Variants in GBP2 observed in about 807,000 individuals in gnomAD.
The protein encoded by GBP2 is guanylate-binding protein 2.
In GBP2, 54 loss-of-function variants were observed where a neutral mutation model predicts 60.8. The observed-to-expected ratio is 0.89, with a 90% CI of 0.71 to 1.11. The LOEUF (loss-of-function observed/expected upper bound fraction) is 1.11. GBP2 is among the 50% of genes most tolerant of loss of function. The pLI is 0.00. For missense variants in GBP2, 665 were observed against 703.3 expected, an observed-to-expected ratio of 0.95 and a Z score of 0.62; for synonymous variants, 243 against 256.5, an observed-to-expected ratio of 0.95 and a Z score of 0.50.
intron 7 of GBP2, 65 bp downstream of exon 7, chr1:89,113,951 A>G (rs1288426499): frequency 2.5e-6 from 4 of 1,573,722 alleles, no homozygotes; most frequent in Non-Finnish European, 3.5e-6. Context: ...GGGTCTAGAA[A>G]GAATTATTTT....
chr1:89,121,963 C>T lies in GBP2; in HGVS notation c.4G>A (p.Ala2Thr). The T allele has an allele frequency of 1.9e-6, 3 of 1,610,430 alleles. No individual in the cohort carries two copies. Among genetic ancestry groups the T allele is most frequent in the Non-Finnish European group, 2.5e-6 (3 of 1,177,858 alleles). Residue 2 changes from alanine to threonine, a missense_variant, in exon 2 of 11, where the codon GCT (alanine) becomes ACT (threonine). Physicochemically the swap from Ala to Thr is moderately conservative, Grantham distance 58. Transcript: ENST00000370466. Reference sequence around the variant, plus strand: ...GGGCCCGGCAAGTTGATCTCTGGAGCCATGTCCAGGGTGTTGTTCCCTTGT... The same window carrying T: ...GGGCCCGGCAAGTTGATCTCTGGAGTCATGTCCAGGGTGTTGTTCCCTTGT... M[A>T]PEINLPGPMS...
Position 89,109,751 on chromosome 1 carries a change from A to G in GBP2, c.1585T>C (p.Leu529=), listed in dbSNP as rs146188709. ...CTGTCCCTCTCCATCTTCTCAGTCAATTGTTTCACATGTTCCTGATAACTC... is the reference window on the plus strand; with the variant it reads ...CTGTCCCTCTCCATCTTCTCAGTCAGTTGTTTCACATGTTCCTGATAACTC... ...EKSYQEHVKQ[L]TEKMERDRAQ... Residue 529 remains leucine, a synonymous_variant, in exon 10 of 11, where the codon TTG becomes CTG. Transcript: ENST00000370466. 5.8e-5 allele frequency: 94 copies of G among 1,614,074 alleles called. No individual in the cohort carries two copies. The East Asian group carries it at 1.1e-3, about 18-fold the overall frequency.
chr1:89,106,290 TACTA>T lies in GBP2; in HGVS notation c.*1881_*1884del, dbSNP rs749184864. 6.6e-6 allele frequency: 1 copy of T among 152,158 alleles called. No individual in the cohort carries two copies. The highest frequency in any genetic ancestry group is 1.5e-5 in the Non-Finnish European group (1 of 68,020). The allele number at this position is 152,158 out of a possible 1,614,324, so 9.4% of individuals were successfully genotyped here. On this transcript the variant is annotated 3_prime_UTR_variant, in exon 11 of 11. Coordinates refer to ENST00000370466, the MANE Select transcript of GBP2 (RefSeq NM_004120.5). ...TGCTTTCACAGAACTAGATACAAAA[TACTA>T]ACTGTTTGAAAGGTAAGAGCAATAA...
rs141308557 is a variant in GBP2 at position 89,117,143 on chromosome 1, G to A, written c.717C>T (p.Pro239=). 5.8e-5 allele frequency: 94 copies of A among 1,614,106 alleles called. No homozygotes were observed. Among genetic ancestry groups the A allele is most frequent in the African/African-American group, 1.6e-4 (12 of 75,016 alleles). Residue 239 remains proline, a synonymous_variant, in exon 6 of 11, where the codon CCC becomes CCT. Transcript: ENST00000370466. ...GGTGAGCAAGGTACTTCTTAGGAGC[G>A]GGCCAATCGAAGACGAAGCACTTCC... ...PKRKCFVFDW[P]APKKYLAHLE...
chr1:89,112,447 A>G, intron 8 of GBP2, 25 bp downstream of exon 8: 1 of 1,604,916 alleles, frequency 6.2e-7, no homozygotes, highest in East Asian at 2.2e-5. Context: ...GAGTCCCAAG[A>G]AATGGTACCC....
chr1:89,110,314 AG>A, intron 8 of GBP2, 48 bp from the exon 9 acceptor site: 2 of 1,403,358 alleles, frequency 1.4e-6, no homozygotes, highest in Non-Finnish European at 2.0e-6. Flanking sequence ...ATTGTGGGTT[AG>A]ATCCAGCAAT....
Position 89,112,649 on chromosome 1 carries a change from C to T in GBP2, c.1185G>A (p.Lys395=). 1 of 1,614,176 alleles carries T rather than the reference C, an allele frequency of 6.2e-7. No homozygotes were observed. The stretch of plus-strand genomic sequence containing the variant: ...AATCTGATGATGCTTTGGAATTCTG[C>T]TTACAAAAGTCATCTCGCCTTGCTT... ...QLEARRDDFC[K]QNSKASSDCC... The change falls in exon 8 of 11, where the codon AAG becomes AAA. Residue 395 remains lysine, a synonymous_variant. Coordinates refer to ENST00000370466, the MANE Select transcript of GBP2 (RefSeq NM_004120.5).
intron 1 of GBP2, among the ~76,000 whole-genome samples, chr1:89,124,664 T>G (rs894051912): frequency 1.3e-5 from 2 of 152,218 alleles, no homozygotes. Context: ...ACCCAGTGGC[T>G]TCTTCCTATC....
chr1:89,112,427 T>C (rs1419368199), intron 8 of GBP2, 45 bp downstream of exon 8: 2 of 1,542,124 alleles, frequency 1.3e-6, no homozygotes, highest in Non-Finnish European at 1.8e-6. Flanking sequence ...TTTAAAAGCA[T>C]CCCCTCAGCG....
intron 1 of GBP2, among the ~76,000 whole-genome samples, chr1:89,125,303 G>A (rs1037347702): frequency 8.5e-5 from 13 of 152,078 alleles, no homozygotes; most frequent in African/African-American, 2.2e-4. Flanking sequence ...ATCCCTTCAG[G>A]GGACAATGGC....
At chr1:89,112,865 A>G in intron 7 of GBP2, 181 bp from the exon 8 acceptor site, 1 of 589,402 alleles carries the variant, frequency 1.7e-6, no homozygotes, top group East Asian at 2.8e-5. Context: ...AAATTTATCT[A>G]CTTCTCTGTT....
chr1:89,117,307 T>C, intron 5 of GBP2, 73 bp from the exon 6 acceptor site: 1 of 1,356,898 alleles, frequency 7.4e-7, no homozygotes. Context: ...AATTTTATAA[T>C]TTTCACAAAG....
intron 1 of GBP2, 73 bp from the exon 2 acceptor site, chr1:89,122,056 G>T: frequency 2.7e-6 from 3 of 1,130,494 alleles, no homozygotes; most frequent in South Asian, 4.9e-5. Context: ...TTACAATATG[G>T]GTTAAATTTT....
At position 89,112,495 on chromosome 1, in the gene GBP2, G is replaced by C. The variant is rs1471509202; in HGVS notation, c.1339C>G (p.Gln447Glu). Residue 447 changes from glutamine to glutamate, a missense_variant, in exon 8 of 11, where the codon CAG becomes GAG. Coordinates refer to ENST00000370466, the MANE Select transcript of GBP2 (RefSeq NM_004120.5). The part of the protein sequence containing the change: ...KLQELKNKYY[Q>E]VPRKGIQAKE... ...ACCTGTATCCCCTTCCTTGGCACCT[G>C]GTAGTACTTATTCTTCAGCTCCTGC... The C allele has an allele frequency of 3.7e-6, 6 of 1,613,916 alleles. No individual in the cohort carries two copies. Among genetic ancestry groups the C allele is most frequent in the Non-Finnish European group, 3.4e-6 (4 of 1,179,970 alleles).
intron 5 of GBP2, 125 bp from the exon 6 acceptor site, chr1:89,117,359 A>G: frequency 1.0e-6 from 1 of 974,874 alleles, no homozygotes; most frequent in African/African-American, 1.6e-5. Flanking sequence ...GAAATAAAAA[A>G]TTAAAGGGGT....
chr1:89,122,838 T>C (rs7532145), intron 1 of GBP2, among the ~76,000 whole-genome samples: 8,671 of 152,304 alleles, frequency 0.057, 796 homozygotes, highest in African/African-American at 0.2. Context: ...GCTTATAACT[T>C]ACTGTGATGT....
Position 89,116,553 on chromosome 1 carries a change from A to G in GBP2, c.868+439T>C, listed in dbSNP as rs546979154. Among the ~76,000 whole-genome samples, 98 of 151,732 alleles carry G rather than the reference A, an allele frequency of 6.5e-4. 1 individual carries two copies. Among genetic ancestry groups the G allele is most frequent in the African/African-American group, 2.3e-3 (93 of 41,326 alleles). ...AAAAGTCACATTTCTTTTATCCATCATTATACTCAGTGGTTGGTACATTAC... is the reference window on the plus strand; with the variant it reads ...AAAAGTCACATTTCTTTTATCCATCGTTATACTCAGTGGTTGGTACATTAC... On this transcript the variant is annotated intron_variant, in intron 6 of 10. Coordinates refer to ENST00000370466, the MANE Select transcript of GBP2 (RefSeq NM_004120.5).
At chr1:89,112,751 A>AAGCATTTTCCAGT in intron 7 of GBP2, 67 bp from the exon 8 acceptor site, 1 of 1,282,314 alleles carries the variant, frequency 7.8e-7, no homozygotes, top group Non-Finnish European at 1.1e-6. Context: ...CTATGTGGAG[A>AAGCATTTTCCAGT]CTGGAAAATG....
At chr1:89,109,547 G>T in intron 10 of GBP2, 130 bp downstream of exon 10, 1 of 673,346 alleles carries the variant, frequency 1.5e-6, no homozygotes, top group Non-Finnish European at 2.5e-6. Flanking sequence ...CATAAAAATA[G>T]TTAGGGAAGG....
Sources: gnomAD v4.1 joint callset for allele counts (sites outside exome capture counted in the v4.1 genomes callset) on GRCh38, gnomAD v4.1.1 for gene constraint, MANE v1.5 for transcripts, NCBI Gene and HGNC (gene_info 2026-07-23, HGNC 2026-07-21) for gene names.